Variants in ENPP6 observed in about 807,000 individuals in gnomAD.
ENPP6 encodes glycerophosphocholine cholinephosphodiesterase ENPP6.
Under a neutral mutation model 42.0 loss-of-function variants are expected in ENPP6, and 32 were observed. The ratio of observed to expected loss-of-function variants is 0.76; its 90% confidence interval spans 0.58 to 1.02. The LOEUF is 1.02. Ranked by LOEUF, ENPP6 falls within the 50% of genes least tolerant of loss-of-function variation. The pLI is 0.00. For missense variants in ENPP6, 552 were observed against 566.8 expected (o/e 0.97, Z 0.27); for synonymous variants, 213 against 216.0 (o/e 0.99, Z 0.12).
intron 1 of ENPP6, among the ~76,000 whole-genome samples, chr4:184,164,041 A>T (rs1203047537): frequency 1.7e-4 from 26 of 152,244 alleles, no homozygotes; most frequent in African/African-American, 6.0e-4. Flanking sequence ...GTGACAGCAC[A>T]GGGACCTGGG....
intron 3 of ENPP6, among the ~76,000 whole-genome samples, chr4:184,119,247 T>TATTATTAAGC (rs1736374774): frequency 6.6e-6 from 1 of 152,140 alleles, no homozygotes; most frequent in Non-Finnish European, 1.5e-5. Context: ...TTATCCTCTA[T>TATTATTAAGC]ATTATTAAGC....
In ENPP6 at chr4:184,139,386, C is replaced by T. The variant is rs1337695478; in HGVS notation, c.421+14168G>A. 5.0e-4 allele frequency among the ~76,000 whole-genome samples: 74 copies of T among 148,658 alleles called. 1 individual carries two copies. The highest frequency in any genetic ancestry group is 1.2e-3 in the Admixed American group (18 of 14,946). On this transcript the variant is annotated intron_variant, in intron 2 of 7. Transcript: ENST00000296741. ...TTATTATTATTATACTTTAAGTTTTCGGGTACATGTGCACATTGTGCAGGT... is the reference window on the plus strand; with the variant it reads ...TTATTATTATTATACTTTAAGTTTTTGGGTACATGTGCACATTGTGCAGGT...
At chr4:184,173,985 C>T (rs1419624723) in intron 1 of ENPP6, among the ~76,000 whole-genome samples, 2 of 152,104 alleles carry the variant, frequency 1.3e-5, no homozygotes, top group Admixed American at 1.3e-4. Context: ...ATTCCCACAA[C>T]TCTGAAGGAA....
chr4:184,143,675 C>T (rs868847030), intron 2 of ENPP6, among the ~76,000 whole-genome samples: 7 of 152,236 alleles, frequency 4.6e-5, no homozygotes, highest in African/African-American at 1.7e-4. Flanking sequence ...TGGAACATGG[C>T]TCCTGCTGCC....
rs1482293667 is a variant in ENPP6, at chr4:184,206,489, C to T, written c.241+11090G>A. 4.7e-5 allele frequency among the ~76,000 whole-genome samples: 7 copies of T among 149,996 alleles called. No homozygotes were observed. The East Asian group carries it at 6.0e-4, about 13-fold the overall frequency. ...GCCAGGATGGTCTCGATCTCCTGACCTCGTGATCCGCCCGTCTCGGCCTCC... is the reference window on the plus strand; with the variant it reads ...GCCAGGATGGTCTCGATCTCCTGACTTCGTGATCCGCCCGTCTCGGCCTCC... On this transcript the variant is annotated intron_variant, in intron 1 of 7. Coordinates refer to ENST00000296741, the MANE Select transcript of ENPP6 (RefSeq NM_153343.4).
chr4:184,091,269 T>A lies in ENPP6; in HGVS notation c.1231A>T (p.Met411Leu), dbSNP rs1432717248. 1.2e-6 allele frequency: 2 copies of A among 1,612,964 alleles called. No homozygotes were observed. The highest frequency in any genetic ancestry group is 1.7e-6 in the Non-Finnish European group (2 of 1,179,646). The change falls in exon 8 of 8, where the codon ATG becomes TTG. Residue 411 changes from methionine (M) to leucine (L), a missense_variant. Around this residue, in one of 2 missense-constraint regions of ENPP6, gnomAD observed 545 missense variants for 546.3 expected, o/e 1.00. Transcript: ENST00000296741. ...CTGGCGCGGCCCTTCAGCATGCACA[T>A]CACCCTGGACCAGGATCCGTTGTTG... is the stretch of plus-strand genomic sequence containing the variant. ...LPNNGSWSRV[M>L]CMLKGRASTA...
chr4:184,099,575 G>A (rs1735966308), intron 6 of ENPP6, among the ~76,000 whole-genome samples: 1 of 152,206 alleles, frequency 6.6e-6, no homozygotes, highest in Non-Finnish European at 1.5e-5. Context: ...GGTTGTGAGG[G>A]CTGAGCCTGC....
intron 1 of ENPP6, among the ~76,000 whole-genome samples, chr4:184,208,381 C>T (rs62341623): frequency 0.12 from 18,440 of 152,166 alleles, 1,443 homozygotes; most frequent in Admixed American, 0.18. Context: ...AGTGGGTGCG[C>T]GCACCCTGCG....
chr4:184,125,362 C>T (rs1184215845), intron 2 of ENPP6, among the ~76,000 whole-genome samples: 3 of 152,160 alleles, frequency 2.0e-5, no homozygotes, highest in Non-Finnish European at 4.4e-5. Context: ...TTCTGAGCAA[C>T]ACTGTATGTG....
intron 5 of ENPP6, among the ~76,000 whole-genome samples, chr4:184,116,042 C>T (rs1278961941): frequency 1.3e-5 from 2 of 151,416 alleles, no homozygotes; most frequent in Admixed American, 6.6e-5. Flanking sequence ...GGTGAAACCC[C>T]GTCTCTACTA....
chr4:184,089,844 G>A lies in ENPP6; in HGVS notation c.*1333C>T, dbSNP rs1735757305. 1 of 152,120 alleles carries A rather than the reference G, an allele frequency of 6.6e-6. No individual in the cohort carries two copies. The highest frequency in any genetic ancestry group is 1.5e-5 in the Non-Finnish European group (1 of 68,032). 9.4% of individuals were successfully genotyped at this position (152,120 alleles called of 1,614,324 possible). On this transcript the variant is annotated 3_prime_UTR_variant, in exon 8 of 8. Transcript: ENST00000296741. ...GTATGCAAGTATATATATGTATATA[G>A]ATATAAATGATCATGTAAAAAGGAG...
chr4:184,116,778 T>C, intron 5 of ENPP6, 78 bp downstream of exon 5: 1 of 1,534,666 alleles, frequency 6.5e-7, no homozygotes, highest in Non-Finnish European at 8.8e-7. Flanking sequence ...ACAAAAAAAC[T>C]ACAAGGAAAA....
chr4:184,195,072 A>G (rs1732773530), intron 1 of ENPP6, among the ~76,000 whole-genome samples: 1 of 152,130 alleles, frequency 6.6e-6, no homozygotes, highest in Non-Finnish European at 1.5e-5. Flanking sequence ...TACCATTTGG[A>G]CCATTTTTAA....
intron 5 of ENPP6, 136 bp from the exon 6 acceptor site, chr4:184,112,945 G>T: frequency 9.3e-7 from 1 of 1,073,920 alleles, no homozygotes; most frequent in Non-Finnish European, 1.3e-6. Context: ...ATTTGAATAT[G>T]TAAAAACAAA....
rs753876812 is a variant in ENPP6 at position 184,117,875 on chromosome 4, T to C, written c.559A>G (p.Ile187Val). Reference protein sequence around the residue: ...FKSGRADLAAIYHERIDVEGH... With the variant: ...FKSGRADLAAVYHERIDVEGH... Reference sequence around the variant, plus strand: ...TCCACGTCAATGCGCTCATGGTATATGGCTGCCAGGTCGGCCCGGCCACTC... The same window carrying C: ...TCCACGTCAATGCGCTCATGGTATACGGCTGCCAGGTCGGCCCGGCCACTC... The change falls in exon 4 of 8, where the codon ATA (isoleucine) becomes GTA (valine). Residue 187 changes from isoleucine to valine, a missense_variant. Physicochemically the swap from Ile to Val is conservative, Grantham distance 29. Transcript: ENST00000296741. The C allele has an allele frequency of 6.2e-6, 10 of 1,614,086 alleles. No individual in the cohort carries two copies. In the Admixed American group the frequency reaches 1.5e-4, roughly 24 times the overall value.
At chr4:184,164,951 G>A (rs372980496) in intron 1 of ENPP6, among the ~76,000 whole-genome samples, 1 of 152,146 alleles carries the variant, frequency 6.6e-6, no homozygotes, top group Non-Finnish European at 1.5e-5. Flanking sequence ...CACTCCACGC[G>A]ATTCCCAGCA....
chr4:184,153,817 C>T (rs1579638516), intron 1 of ENPP6, 84 bp from the exon 2 acceptor site: 3 of 1,473,966 alleles, frequency 2.0e-6, no homozygotes, highest in South Asian at 1.4e-5. Flanking sequence ...ATAAGCCATT[C>T]GTGCTCGTTT....
chr4:184,178,269 T>C (rs895336817), intron 1 of ENPP6, among the ~76,000 whole-genome samples: 3 of 151,788 alleles, frequency 2.0e-5, no homozygotes, highest in Non-Finnish European at 4.4e-5. Context: ...AGAAAGAATT[T>C]CAGAACTTGA....
intron 1 of ENPP6, among the ~76,000 whole-genome samples, chr4:184,164,299 G>A (rs1327658788): frequency 6.6e-6 from 1 of 152,170 alleles, no homozygotes; most frequent in Non-Finnish European, 1.5e-5. Flanking sequence ...AGTGTTCTAA[G>A]GGCATCTCTT....
Sources: gnomAD v4.1 joint callset for allele counts (sites outside exome capture counted in the v4.1 genomes callset) on GRCh38, gnomAD v4.1.1 for gene constraint, gnomAD v4.1.1 regional missense constraint, MANE v1.5 for transcripts, NCBI Gene and HGNC (gene_info 2026-07-23, HGNC 2026-07-21) for gene names.